ZC3H12B: variants seen among roughly 807,000 people sequenced by gnomAD.
The protein encoded by ZC3H12B is probable ribonuclease ZC3H12B.
A neutral mutation model predicts 43.9 loss-of-function variants in ZC3H12B; 7 were observed. The observed-to-expected ratio is 0.16, with a 90% confidence interval of 0.09 to 0.30. The LOEUF is 0.30. ZC3H12B is among the 10% of genes least tolerant of loss of function. The pLI is 1.00. For missense variants in ZC3H12B, 475 were observed against 670.2 expected (o/e 0.71, Z 3.22); for synonymous variants, 222 against 241.7 (o/e 0.92, Z 0.76).
the ZC3H12B span, among the ~76,000 whole-genome samples, chrX:65,159,297 C>T: frequency 1.3e-3 from 145 of 111,796 alleles, 1 homozygote; most frequent in African/African-American, 4.5e-3. Context: ...TTTTCCAATT[C>T]TGTGAAGAAA....
chrX:65,205,219 C>T, the ZC3H12B span, among the ~76,000 whole-genome samples: 4 of 111,375 alleles, frequency 3.6e-5, no homozygotes, highest in South Asian at 7.4e-4. Flanking sequence ...CATTCTTTAA[C>T]GCTATTTTCC....
chrX:65,080,268 T>A, the ZC3H12B span, among the ~76,000 whole-genome samples: 2 of 106,957 alleles, frequency 1.9e-5, no homozygotes, highest in Non-Finnish European at 3.8e-5. Context: ...CTATTGACCT[T>A]AACGAAGAGG....
At chrX:65,263,891 CAA>C in the ZC3H12B span, among the ~76,000 whole-genome samples, 4 of 111,039 alleles carry the variant, frequency 3.6e-5, no homozygotes, top group African/African-American at 1.3e-4. Flanking sequence ...TTCACAATTG[CAA>C]AGATATGGAA....
At chrX:65,457,444 G>T (rs1191470745) in intron 3 of ZC3H12B, among the ~76,000 whole-genome samples, 1 of 77,580 alleles carries the variant, frequency 1.3e-5, no homozygotes, top group Non-Finnish European at 2.3e-5. Flanking sequence ...AGGGTGGTGG[G>T]GGGGTCAGCC....
chrX:65,323,967 T>G, the ZC3H12B span, among the ~76,000 whole-genome samples: 1 of 112,496 alleles, frequency 8.9e-6, no homozygotes. Context: ...TTTCTTCATA[T>G]GTTTCTTGGC....
At chrX:65,073,788 G>A in the ZC3H12B span, among the ~76,000 whole-genome samples, 1 of 111,843 alleles carries the variant, frequency 8.9e-6, no homozygotes, top group Non-Finnish European at 1.9e-5. Flanking sequence ...GTTGCTTCTT[G>A]CCAGTTCAAC....
upstream of ZC3H12B, chrX:65,488,529 TAAG>T (rs953603408): frequency 1.0e-5 from 2 of 195,415 alleles, no homozygotes; most frequent in Non-Finnish European, 1.8e-5. Context: ...GTAATCATTG[TAAG>T]AAGAAAAACC....
chrX:65,116,939 T>C, the ZC3H12B span, among the ~76,000 whole-genome samples: 1 of 112,209 alleles, frequency 8.9e-6, no homozygotes, highest in Non-Finnish European at 1.9e-5. Flanking sequence ...TGTGCCACAT[T>C]TTCTTAATCC....
At chrX:65,355,382 G>C in the ZC3H12B span, among the ~76,000 whole-genome samples, 431 of 111,445 alleles carry the variant, frequency 3.9e-3, no homozygotes, top group African/African-American at 0.013. Flanking sequence ...ATACAAACAG[G>C]AAAGTATATT....
the ZC3H12B span, among the ~76,000 whole-genome samples, chrX:65,049,357 A>C: frequency 1.8e-5 from 2 of 111,477 alleles, no homozygotes; most frequent in Non-Finnish European, 3.8e-5. Context: ...ATATTGTATA[A>C]GATAAGGGTC....
chrX:65,131,125 G>T, the ZC3H12B span, among the ~76,000 whole-genome samples: 2 of 111,897 alleles, frequency 1.8e-5, no homozygotes, highest in Non-Finnish European at 1.9e-5. Context: ...TTGTAAGAGT[G>T]TGGACTCGAG....
intron 3 of ZC3H12B, among the ~76,000 whole-genome samples, chrX:65,448,001 G>A (rs2067402029): frequency 9.0e-6 from 1 of 111,057 alleles, no homozygotes; most frequent in South Asian, 3.8e-4. Flanking sequence ...GGGAGTCTGA[G>A]GCAGGTGGAT....
At chrX:65,222,518 C>A in the ZC3H12B span, among the ~76,000 whole-genome samples, 3 of 108,635 alleles carry the variant, frequency 2.8e-5, no homozygotes, top group African/African-American at 9.9e-5. Context: ...AATTAATGTA[C>A]ACAAATCAGT....
the ZC3H12B span, among the ~76,000 whole-genome samples, chrX:65,198,308 C>A: frequency 2.7e-5 from 3 of 111,898 alleles, no homozygotes; most frequent in Non-Finnish European, 5.6e-5. Context: ...CTGTGTTTTT[C>A]TGTGTACTTA....
chrX:65,219,453 A>T, the ZC3H12B span, among the ~76,000 whole-genome samples: 1 of 111,649 alleles, frequency 9.0e-6, no homozygotes, highest in Admixed American at 9.5e-5. Flanking sequence ...TAGATAACAT[A>T]AATTTAAAAA....
the ZC3H12B span, among the ~76,000 whole-genome samples, chrX:65,230,349 G>A: frequency 2.2e-4 from 24 of 108,129 alleles, no homozygotes; most frequent in Admixed American, 7.0e-4. Flanking sequence ...TCACATGGAC[G>A]CAGGAAGGGG....
At chrX:65,250,848 G>A in the ZC3H12B span, among the ~76,000 whole-genome samples, 1 of 111,644 alleles carries the variant, frequency 9.0e-6, no homozygotes, top group South Asian at 3.7e-4. Context: ...CCCTTTGTCA[G>A]ATGAGCAGAT....
intron 2 of ZC3H12B, among the ~76,000 whole-genome samples, chrX:65,372,460 G>A (rs1361710884): frequency 9.4e-6 from 1 of 106,231 alleles, no homozygotes; most frequent in Non-Finnish European, 1.9e-5. Flanking sequence ...GGGAAGAAGA[G>A]AGGACAGGAG....
At chrX:65,256,441 C>T in the ZC3H12B span, among the ~76,000 whole-genome samples, 1 of 111,882 alleles carries the variant, frequency 8.9e-6, no homozygotes, top group Non-Finnish European at 1.9e-5. Context: ...GAATGACTTT[C>T]AGATAAATAA....
Sources: gnomAD v4.1 joint callset for allele counts (sites outside exome capture counted in the v4.1 genomes callset) on GRCh38, gnomAD v4.1.1 for gene constraint, MANE v1.5 for transcripts, NCBI Gene and HGNC (gene_info 2026-07-23, HGNC 2026-07-21) for gene names.